OR2T12: variants seen among roughly 807,000 people sequenced by gnomAD.
The protein encoded by OR2T12 is olfactory receptor 2T12.
For synonymous variants in OR2T12, 127 were observed against 160.5 expected (o/e 0.79, Z 1.58); for missense variants, 335 against 404.3 (o/e 0.83, Z 1.47).
intron 2 of OR2T12, among the ~76,000 whole-genome samples, chr1:248,297,312 G>A (rs936560233): frequency 6.6e-6 from 1 of 152,104 alleles, no homozygotes; most frequent in Non-Finnish European, 1.5e-5. Context: ...TGTTCTTTTC[G>A]CTTAGGATTG....
intron 2 of OR2T12, among the ~76,000 whole-genome samples, chr1:248,297,306 C>T (rs556357248): frequency 1.6e-4 from 25 of 152,156 alleles, no homozygotes; most frequent in African/African-American, 5.5e-4. Flanking sequence ...CAGCTTTGTT[C>T]TTTTCGCTTA....
rs2103036168 is a variant in OR2T12, at chr1:248,290,903, G to A, written c.*3713C>T. On this transcript the variant is annotated 3_prime_UTR_variant, in exon 3 of 3. Transcript: ENST00000641276. ...TGGTTTCGATTTGCATTTCTATAAG[G>A]ACCAGTGATGATGAGCTTTTTTTCA... is the stretch of plus-strand genomic sequence containing the variant. 6.6e-6 allele frequency: 1 copy of A among 152,154 alleles called. No individual in the cohort carries two copies. Among genetic ancestry groups the A allele is most frequent in the East Asian group, 1.9e-4 (1 of 5,168 alleles). 9.4% of individuals were successfully genotyped at this position (152,154 alleles called of 1,614,324 possible).
In OR2T12 at chr1:248,291,104, A is replaced by C. The variant is rs144877543; in HGVS notation, c.*3512T>G. 8 of 152,006 alleles carry C rather than the reference A, an allele frequency of 5.3e-5. No individual in the cohort carries two copies. In the East Asian group the frequency reaches 1.5e-3, roughly 29 times the overall value. 9.4% of individuals were successfully genotyped at this position (152,006 alleles called of 1,614,324 possible). A position where few individuals can be genotyped will look rare whatever the true frequency, so the allele number is the denominator to read the frequency against. On this transcript the variant is annotated 3_prime_UTR_variant, in exon 3 of 3. Transcript: ENST00000641276. ...TGCAAAAATTTTCTCCCATTCTCTA[A>C]GTTGCCTGTTTACTCTGATGAATCC...
In OR2T12 at chr1:248,294,624, A is replaced by G. The variant is rs976265415; in HGVS notation, c.955T>C (p.Ser319Pro). 1 of 1,613,680 alleles carries G rather than the reference A, an allele frequency of 6.2e-7. No individual in the cohort carries two copies. Among genetic ancestry groups the G allele is most frequent in the Non-Finnish European group, 8.5e-7 (1 of 1,179,826 alleles). Residue 319 changes from serine (S) to proline (P), a missense_variant, in exon 3 of 3, where the codon TCA becomes CCA. Physicochemically the swap from Ser to Pro is moderately conservative, Grantham distance 74. Coordinates refer to ENST00000641276, the MANE Select transcript of OR2T12 (RefSeq NM_001004692.2). ...LKHQQNEAHR[S>P]R ...ACTCATCTGACACTAGATCATCTTG[A>G]CCTGTGGGCCTCATTTTGCTGGTGT...
intron 2 of OR2T12, among the ~76,000 whole-genome samples, chr1:248,297,470 T>G (rs1344333580): frequency 2.6e-5 from 4 of 151,874 alleles, no homozygotes; most frequent in South Asian, 2.1e-4. Context: ...ACGATATTGA[T>G]TCTTCCTACC....
chr1:248,295,912 G>T (rs558526011), intron 2 of OR2T12, among the ~76,000 whole-genome samples: 4 of 152,140 alleles, frequency 2.6e-5, no homozygotes, highest in Admixed American at 1.3e-4. Context: ...GTGCAGGTTA[G>T]TTACATATGT....
In OR2T12 at chr1:248,294,565, T is replaced by A. The variant is rs768539055; in HGVS notation, c.*51A>T. 43 of 1,555,768 alleles carry A rather than the reference T, an allele frequency of 2.8e-5. No individual in the cohort carries two copies. The highest frequency in any genetic ancestry group is 3.6e-5 in the Non-Finnish European group (42 of 1,152,796). On this transcript the variant is annotated 3_prime_UTR_variant, in exon 3 of 3. Transcript: ENST00000641276. ...GAATTACTAAAGGGAGAGAATTACA[T>A]AGTGTTAAAATGTTAATAAATTCAG...
chr1:248,301,945 A>G (rs1659817481), intron 1 of OR2T12, among the ~76,000 whole-genome samples: 1 of 152,082 alleles, frequency 6.6e-6, no homozygotes, highest in Admixed American at 6.6e-5. Flanking sequence ...AGGCCAGAGC[A>G]ATAGTAACAC....
chr1:248,295,455 G>A lies in OR2T12; in HGVS notation c.124C>T (p.Leu42Phe), dbSNP rs377706900. The part of the protein sequence containing the change: ...TVLTSLFSNA[L>F]MILLIHWDHR... ...TCCCAGTGAATCAGGAGAATCATGAGGGCATTGCTAAACAGGGAGGTCAAA... is the reference window on the plus strand; with the variant it reads ...TCCCAGTGAATCAGGAGAATCATGAAGGCATTGCTAAACAGGGAGGTCAAA... The change falls in exon 3 of 3, where the codon CTC becomes TTC. Residue 42 changes from leucine (L) to phenylalanine (F), a missense_variant. Physicochemically the swap from Leu to Phe is conservative, Grantham distance 22. Transcript: ENST00000641276. 6.6e-5 allele frequency: 107 copies of A among 1,612,536 alleles called. 1 individual carries two copies. Among genetic ancestry groups the A allele is most frequent in the Non-Finnish European group, 9.0e-5 (106 of 1,179,646 alleles).
intron 1 of OR2T12, among the ~76,000 whole-genome samples, chr1:248,302,062 G>A (rs1226621604): frequency 6.6e-6 from 1 of 151,316 alleles, no homozygotes; most frequent in Non-Finnish European, 1.5e-5. Context: ...AAGAAGTGAA[G>A]CCTTATGTGA....
At chr1:248,299,971 T>A (rs1162568676) in intron 2 of OR2T12, among the ~76,000 whole-genome samples, 2 of 152,166 alleles carry the variant, frequency 1.3e-5, no homozygotes, top group Admixed American at 6.5e-5. Flanking sequence ...GAAATAAAGA[T>A]GTTCTTTGAA....
chr1:248,296,199 G>A (rs1659724556), intron 2 of OR2T12, among the ~76,000 whole-genome samples: 1 of 152,066 alleles, frequency 6.6e-6, no homozygotes, highest in African/African-American at 2.4e-5. Context: ...CTTTTTTATG[G>A]CTGCATAGTA....
rs1235397996 is a variant in OR2T12 at position 248,294,974 on chromosome 1, A to G, written c.605T>C (p.Val202Ala). 6.2e-7 allele frequency: 1 copy of G among 1,611,658 alleles called. No homozygotes were observed. Among genetic ancestry groups the G allele is most frequent in the South Asian group, 1.1e-5 (1 of 90,960 alleles). The part of the protein sequence containing the change: ...VFENAMYICC[V>A]LMLLVPFSLI... ...GGAAAAGGGGACCAGGAGCATTAAC[A>G]CACAGCAGATGTACATGGCGTTTTC... Residue 202 changes from valine to alanine, a missense_variant, in exon 3 of 3, where the codon GTG (valine) becomes GCG (alanine). Physicochemically the swap from Val to Ala is moderately conservative, Grantham distance 64. Transcript: ENST00000641276.
At chr1:248,297,062 T>C (rs1449006527) in intron 2 of OR2T12, among the ~76,000 whole-genome samples, 3 of 152,310 alleles carry the variant, frequency 2.0e-5, no homozygotes, top group South Asian at 2.1e-4. Context: ...AGCTTCAGCT[T>C]TCTACATATG....
rs1196655386 is a variant in OR2T12, at chr1:248,302,905, T to C, written c.-190+441A>G. On this transcript the variant is annotated intron_variant, in intron 1 of 2. Transcript: ENST00000641276. Reference sequence around the variant, plus strand: ...AGAAAGCAAGAGTGACACAGTCTCATGTCAGTACTCTAAATGGTTCTGATT... The same window carrying C: ...AGAAAGCAAGAGTGACACAGTCTCACGTCAGTACTCTAAATGGTTCTGATT... Among the ~76,000 whole-genome samples, 4 of 152,282 alleles carry C rather than the reference T, an allele frequency of 2.6e-5. No individual in the cohort carries two copies. In the South Asian group the frequency reaches 8.3e-4, roughly 32 times the overall value.
In OR2T12 at chr1:248,292,839, A is replaced by T. The variant is rs191244345; in HGVS notation, c.*1777T>A. 6.6e-6 allele frequency: 1 copy of T among 152,208 alleles called. No individual in the cohort carries two copies. The highest frequency in any genetic ancestry group is 1.5e-5 in the Non-Finnish European group (1 of 67,958). 9.4% of individuals were successfully genotyped at this position (152,208 alleles called of 1,614,324 possible). ...AATATTTTATCCTTACAAAATTTTA[A>T]AGGCTTAGTTTACCATTTGTAACTC... On this transcript the variant is annotated 3_prime_UTR_variant, in exon 3 of 3. Coordinates refer to ENST00000641276, the MANE Select transcript of OR2T12 (RefSeq NM_001004692.2).
In OR2T12 at chr1:248,294,482, C is replaced by G. The variant is rs1035099785; in HGVS notation, c.*134G>C. ...ATGGTATCTGTCAATACAATTGGCT[C>G]ACTTCATTCTTAAAAATATCTTATT... On this transcript the variant is annotated 3_prime_UTR_variant, in exon 3 of 3. Coordinates refer to ENST00000641276, the MANE Select transcript of OR2T12 (RefSeq NM_001004692.2). 1.7e-6 allele frequency: 2 copies of G among 1,209,750 alleles called. No individual in the cohort carries two copies. The highest frequency in any genetic ancestry group is 2.3e-6 in the Non-Finnish European group (2 of 866,064). 74.9% of individuals were successfully genotyped at this position (1,209,750 alleles called of 1,614,324 possible). A position where few individuals can be genotyped will look rare whatever the true frequency, so the allele number is the denominator to read the frequency against.
chr1:248,300,767 G>A (rs1435165756), intron 2 of OR2T12, among the ~76,000 whole-genome samples: 1 of 152,030 alleles, frequency 6.6e-6, no homozygotes, highest in African/African-American at 2.4e-5. Flanking sequence ...GTCTTTAAGT[G>A]AGTCTTGCTA....
Position 248,295,283 on chromosome 1 carries a change from A to G in OR2T12, c.296T>C (p.Ile99Thr), listed in dbSNP as rs762445395. Reference sequence around the variant, plus strand: ...ACCACCCAGTGTGGGGAGGAAGAAGATCTGCACACCACAGCCAGCGCGGGA... The same window carrying G: ...ACCACCCAGTGTGGGGAGGAAGAAGGTCTGCACACCACAGCCAGCGCGGGA... Reference protein sequence around the residue: ...AISRAGCGVQIFFLPTLGGGE... With the variant: ...AISRAGCGVQTFFLPTLGGGE... Residue 99 changes from isoleucine (I) to threonine (T), a missense_variant, in exon 3 of 3, where the codon ATC (isoleucine) becomes ACC (threonine). Coordinates refer to ENST00000641276, the MANE Select transcript of OR2T12 (RefSeq NM_001004692.2). 1.2e-5 allele frequency: 19 copies of G among 1,608,520 alleles called. No individual in the cohort carries two copies. Among genetic ancestry groups the G allele is most frequent in the Non-Finnish European group, 1.5e-5 (18 of 1,178,024 alleles).
Sources: gnomAD v4.1 joint callset for allele counts (sites outside exome capture counted in the v4.1 genomes callset) on GRCh38, gnomAD v4.1.1 for gene constraint, MANE v1.5 for transcripts, NCBI Gene and HGNC (gene_info 2026-07-23, HGNC 2026-07-21) for gene names.